LINGO2: variants seen among roughly 807,000 people sequenced by gnomAD.
LINGO2 encodes the protein leucine-rich repeat and immunoglobulin-like domain-containing nogo receptor-interacting protein 2.
In LINGO2, 14 loss-of-function variants were observed where a neutral mutation model predicts 30.6. The ratio of observed to expected loss-of-function variants is 0.46; its 90% confidence interval spans 0.30 to 0.72. LINGO2 has a LOEUF of 0.72. LINGO2 is among the 30% of genes least tolerant of loss of function. The pLI, the probability that LINGO2 is intolerant of heterozygous loss-of-function variation, is 0.07. For synonymous variants in LINGO2, 317 were observed against 288.5 expected (o/e 1.10, Z -1.00); for missense variants, 729 against 751.7 (o/e 0.97, Z 0.35).
intron 5 of LINGO2, among the ~76,000 whole-genome samples, chr9:27,966,429 A>G (rs1322704209): frequency 6.6e-6 from 1 of 152,122 alleles, no homozygotes; most frequent in Admixed American, 6.6e-5. Flanking sequence ...AGGGACATGG[A>G]TGAAATTTGA....
intron 5 of LINGO2, among the ~76,000 whole-genome samples, chr9:27,963,748 A>G (rs1241818863): frequency 2.0e-5 from 3 of 151,970 alleles, no homozygotes; most frequent in Non-Finnish European, 4.4e-5. Context: ...TAAAAAAAAA[A>G]AAAAAGCAAG....
At chr9:28,321,359 G>A (rs778665553) in intron 3 of LINGO2, among the ~76,000 whole-genome samples, 1 of 152,092 alleles carries the variant, frequency 6.6e-6, no homozygotes, top group African/African-American at 2.4e-5. Flanking sequence ...AGAGAAAACT[G>A]CATATAGCCA....
chr9:28,289,766 T>C (rs1336466855), intron 4 of LINGO2, among the ~76,000 whole-genome samples: 1 of 152,222 alleles, frequency 6.6e-6, no homozygotes, highest in Admixed American at 6.5e-5. Context: ...TTAGCTACTC[T>C]TGCACTGAAG....
chr9:29,023,810 T>C, the LINGO2 span, among the ~76,000 whole-genome samples: 1 of 152,106 alleles, frequency 6.6e-6, no homozygotes, highest in African/African-American at 2.4e-5. Flanking sequence ...TGTGATCTTA[T>C]AAGATTACAG....
intron 2 of LINGO2, among the ~76,000 whole-genome samples, chr9:28,453,561 G>A (rs1197735136): frequency 6.6e-6 from 1 of 151,826 alleles, no homozygotes; most frequent in Non-Finnish European, 1.5e-5. Context: ...TTTGTCCTTA[G>A]GGATATTTAA....
At position 28,531,048 on chromosome 9, in the gene LINGO2, AAT is replaced by A. The variant is rs543973777; in HGVS notation, c.-364-55025_-364-55024del. ...TATAAGTATGCCATATATAAAAATA[AAT>A]ATATATATATATATAATATATAAAA... On this transcript the variant is annotated intron_variant, in intron 1 of 5. Transcript: ENST00000379992. 4.9e-3 allele frequency among the ~76,000 whole-genome samples: 722 copies of A among 146,428 alleles called. 7 individuals are homozygous for A. Among genetic ancestry groups the A allele is most frequent in the African/African-American group, 9.6e-3 (387 of 40,256 alleles).
At chr9:28,730,031 C>G in the LINGO2 span, among the ~76,000 whole-genome samples, 2 of 151,870 alleles carry the variant, frequency 1.3e-5, no homozygotes, top group Non-Finnish European at 2.9e-5. Flanking sequence ...GATACAAAAT[C>G]TAAAATAAAA....
intron 5 of LINGO2, among the ~76,000 whole-genome samples, chr9:27,989,542 T>C (rs1821292909): frequency 1.3e-5 from 2 of 151,858 alleles, no homozygotes; most frequent in African/African-American, 2.4e-5. Context: ...TGGAAAGTTC[T>C]GGCAGGCACT....
At chr9:29,078,316 T>G in the LINGO2 span, among the ~76,000 whole-genome samples, 1 of 151,926 alleles carries the variant, frequency 6.6e-6, no homozygotes, top group Non-Finnish European at 1.5e-5. Flanking sequence ...GAGAACTGAT[T>G]TTTCACTTTA....
At chr9:28,054,627 C>CA (rs1824833868) in intron 4 of LINGO2, among the ~76,000 whole-genome samples, 1 of 152,002 alleles carries the variant, frequency 6.6e-6, no homozygotes, top group Non-Finnish European at 1.5e-5. Context: ...CAAAAGTGAA[C>CA]AAAAACAGAG....
At chr9:28,108,044 G>A (rs1826650480) in intron 4 of LINGO2, among the ~76,000 whole-genome samples, 1 of 152,074 alleles carries the variant, frequency 6.6e-6, no homozygotes, top group South Asian at 2.1e-4. Flanking sequence ...CTGATGCTCA[G>A]ACACAAATGG....
chr9:28,922,998 A>C, the LINGO2 span, among the ~76,000 whole-genome samples: 1 of 152,178 alleles, frequency 6.6e-6, no homozygotes, highest in African/African-American at 2.4e-5. Flanking sequence ...GGATTGAAGT[A>C]CAAGGTTAAG....
intron 4 of LINGO2, among the ~76,000 whole-genome samples, chr9:28,072,888 C>T (rs1316660513): frequency 3.3e-5 from 5 of 151,926 alleles, no homozygotes; most frequent in African/African-American, 7.3e-5. Context: ...TCTGATAGCA[C>T]GATATGCCAT....
chr9:28,020,464 G>C (rs923886555), intron 4 of LINGO2, among the ~76,000 whole-genome samples: 3 of 152,106 alleles, frequency 2.0e-5, no homozygotes, highest in Non-Finnish European at 2.9e-5. Context: ...GGGTGGTGGA[G>C]GTTGCTGTGA....
chr9:28,531,780 A>G (rs1411914247), intron 1 of LINGO2, among the ~76,000 whole-genome samples: 4 of 152,142 alleles, frequency 2.6e-5, no homozygotes, highest in African/African-American at 9.6e-5. Flanking sequence ...AATGGGGGCC[A>G]GTATAAGGGA....
At chr9:28,085,988 T>A (rs1471943247) in intron 4 of LINGO2, among the ~76,000 whole-genome samples, 1 of 152,060 alleles carries the variant, frequency 6.6e-6, no homozygotes, top group Admixed American at 6.6e-5. Context: ...GCATGGGTAG[T>A]ATGTTTATAT....
chr9:28,797,349 T>TAG, the LINGO2 span, among the ~76,000 whole-genome samples: 100 of 64,476 alleles, frequency 1.6e-3, no homozygotes, highest in African/African-American at 3.6e-3. Context: ...TATATATATA[T>TAG]ATATATATAT....
chr9:28,795,545 T>C, the LINGO2 span, among the ~76,000 whole-genome samples: 1 of 151,760 alleles, frequency 6.6e-6, no homozygotes, highest in African/African-American at 2.4e-5. Flanking sequence ...TATTTCTTTA[T>C]ATATGCATAT....
chr9:28,086,031 T>A (rs1228306860), intron 4 of LINGO2, among the ~76,000 whole-genome samples: 2 of 152,006 alleles, frequency 1.3e-5, no homozygotes, highest in African/African-American at 2.4e-5. Context: ...TGTATAAAAA[T>A]ATTTACATAT....
Sources: allele counts gnomAD v4.1 joint callset (sites outside exome capture counted in the v4.1 genomes callset), GRCh38; gene constraint gnomAD v4.1.1; transcripts MANE v1.5; gene names NCBI Gene and HGNC (gene_info 2026-07-23, HGNC 2026-07-21).